KDM1A: variants seen among roughly 807,000 people sequenced by gnomAD.
The protein encoded by KDM1A is lysine demethylase 1A.
KDM1A carries 49 observed loss-of-function variants against 109.4 expected under a neutral mutation model. That is an observed-to-expected ratio of 0.45 (90% CI 0.36 to 0.57). The LOEUF (loss-of-function observed/expected upper bound fraction) is 0.57, where lower values mean the gene tolerates loss of function less well. Among genes scored for constraint, KDM1A ranks in the 20% least tolerant of loss-of-function variants. The probability of loss-of-function intolerance (pLI) is 0.00; values close to 1 mark genes in which losing one functional copy is unlikely to be tolerated. For synonymous variants in KDM1A, 380 were observed against 415.4 expected (o/e 0.91, Z 1.04); for missense variants, 668 against 1,116.6 (o/e 0.60, Z 5.73).
chr1:23,043,408 T>C (rs1403847582), intron 2 of KDM1A, among the ~76,000 whole-genome samples: 2 of 152,234 alleles, frequency 1.3e-5, no homozygotes, highest in African/African-American at 4.8e-5. Context: ...CTAAGTATCT[T>C]TTTATTCTCT....
intron 2 of KDM1A, among the ~76,000 whole-genome samples, chr1:23,033,449 G>C (rs1289228837): frequency 3.3e-5 from 5 of 152,006 alleles, no homozygotes; most frequent in Admixed American, 3.3e-4. Context: ...TTGAACCCGG[G>C]AGGCAGAGGT....
At chr1:23,043,728 G>C (rs919921986) in intron 2 of KDM1A, among the ~76,000 whole-genome samples, 1 of 152,156 alleles carries the variant, frequency 6.6e-6, no homozygotes, top group African/African-American at 2.4e-5. Flanking sequence ...TAATCAGTGA[G>C]GAAAATTTCT....
chr1:23,056,956 A>G (rs1033861541), intron 7 of KDM1A, among the ~76,000 whole-genome samples: 16 of 152,064 alleles, frequency 1.1e-4, no homozygotes, highest in African/African-American at 2.9e-4. Context: ...TGAACAGGCT[A>G]TGTTCAGTAT....
At chr1:23,061,660 C>CTTT (rs61084870) in intron 9 of KDM1A, among the ~76,000 whole-genome samples, 18 of 123,256 alleles carry the variant, frequency 1.5e-4, no homozygotes, top group African/African-American at 5.1e-4. Context: ...ATAAACTAGC[C>CTTT]TTTTTTTTTT....
chr1:23,049,433 ATG>A (rs1642597698), intron 3 of KDM1A, among the ~76,000 whole-genome samples: 1 of 148,298 alleles, frequency 6.7e-6, no homozygotes, highest in African/African-American at 2.6e-5. Flanking sequence ...TGAAAATAAC[ATG>A]TTTTTTGGGA....
intron 9 of KDM1A, among the ~76,000 whole-genome samples, chr1:23,061,413 A>G (rs577974030): frequency 1.3e-5 from 2 of 152,238 alleles, no homozygotes; most frequent in Non-Finnish European, 2.9e-5. Flanking sequence ...TCCCAACGAA[A>G]TTGGTAGTTG....
intron 2 of KDM1A, among the ~76,000 whole-genome samples, chr1:23,032,056 C>T (rs1446827442): frequency 1.3e-5 from 2 of 152,148 alleles, no homozygotes; most frequent in Admixed American, 1.3e-4. Context: ...TCACCCTGTG[C>T]TCTTTTCTTC....
rs1643562916 is a variant in KDM1A at position 23,079,660 on chromosome 1, C to T, written c.2163C>T (p.Leu721=). The change falls in exon 18 of 21, where the codon CTC becomes CTT. Residue 721 remains leucine (L), a synonymous_variant. Transcript: ENST00000400181. The surrounding 1 kb of genome is among the most constrained non-coding windows in gnomAD (Gnocchi z 5.6). ...GTGAGCTCTTCCTCTTCTGGAACCT[C>T]TATAAAGGTAAATGCCTTCTAATTT... is the stretch of plus-strand genomic sequence containing the variant. The part of the protein sequence containing the change: ...SRGELFLFWN[L]YKAPILLALV... 1 of 1,597,818 alleles carries T rather than the reference C, an allele frequency of 6.3e-7. No homozygotes were observed. Among genetic ancestry groups the T allele is most frequent in the South Asian group, 1.1e-5 (1 of 89,634 alleles).
chr1:23,057,074 A>G (rs1642852730), intron 7 of KDM1A, among the ~76,000 whole-genome samples: 1 of 152,148 alleles, frequency 6.6e-6, no homozygotes, highest in African/African-American at 2.4e-5. Context: ...TAAGAGTCAG[A>G]TTACAGTGGT....
chr1:23,082,119 C>T, intron 19 of KDM1A, 101 bp from the exon 20 acceptor site: 2 of 1,283,924 alleles, frequency 1.6e-6, no homozygotes, highest in East Asian at 2.3e-5. Context: ...GCCCCTCTTT[C>T]TCTTCACTTG....
rs573948225 is a variant in KDM1A at position 23,072,655 on chromosome 1, C to A, written c.1622+458C>A. ...TATTCAAGAATGCTACCCACCCTTTCTTTTTTTGAGATGGGATCTCGCTCT... is the reference window on the plus strand; with the variant it reads ...TATTCAAGAATGCTACCCACCCTTTATTTTTTTGAGATGGGATCTCGCTCT... On this transcript the variant is annotated intron_variant, in intron 14 of 20. Coordinates refer to ENST00000400181, the MANE Select transcript of KDM1A (RefSeq NM_001009999.3). Among the ~76,000 whole-genome samples the A allele has an allele frequency of 2.4e-3, 365 of 152,154 alleles. 1 individual carries two copies. The highest frequency in any genetic ancestry group is 4.1e-3 in the Non-Finnish European group (282 of 67,960).
intron 2 of KDM1A, among the ~76,000 whole-genome samples, chr1:23,037,522 C>CATT (rs1642185195): frequency 6.6e-6 from 1 of 152,092 alleles, no homozygotes; most frequent in Admixed American, 6.5e-5. Flanking sequence ...GATAAACATG[C>CATT]ATTACCTCAC....
rs558955892 is a variant in KDM1A, at chr1:23,040,766, C to T, written c.518-3661C>T. Among the ~76,000 whole-genome samples the T allele has an allele frequency of 2.7e-3, 410 of 152,022 alleles. 1 individual carries two copies. Among genetic ancestry groups the T allele is most frequent in the African/African-American group, 9.3e-3 (385 of 41,428 alleles). ...TTGCACCACTGTACTCCACCCTGGG[C>T]GACAGAGCAAGACCTTGTCTCTAAA... is the stretch of plus-strand genomic sequence containing the variant. On this transcript the variant is annotated intron_variant, in intron 2 of 20. Coordinates refer to ENST00000400181, the MANE Select transcript of KDM1A (RefSeq NM_001009999.3).
intron 2 of KDM1A, 27 bp downstream of exon 2, chr1:23,030,661 C>T (rs200461127): frequency 1.5e-4 from 228 of 1,489,776 alleles, no homozygotes; most frequent in Admixed American, 1.0e-3. Flanking sequence ...AACCACAGTT[C>T]TGTTTTATCT....
At position 23,066,054 on chromosome 1, in the gene KDM1A, T is replaced by A; in HGVS notation, c.1168-6T>A. The A allele has an allele frequency of 6.2e-7, 1 of 1,606,812 alleles. No homozygotes were observed. The highest frequency in any genetic ancestry group is 1.1e-5 in the South Asian group (1 of 90,780). On this transcript the variant is annotated splice_polypyrimidine_tract_variant and splice_region_variant and intron_variant, in intron 9 of 20. Coordinates refer to ENST00000400181, the MANE Select transcript of KDM1A (RefSeq NM_001009999.3). ...TTATTTCTCTCTCTGCTGCACTGGT[T>A]AAAAGGACACTGTCAAGGTATTTTT...
At chr1:23,056,876 A>G (rs1312628493) in intron 7 of KDM1A, among the ~76,000 whole-genome samples, 2 of 151,326 alleles carry the variant, frequency 1.3e-5, no homozygotes, top group African/African-American at 2.4e-5. Flanking sequence ...TATCGCTACA[A>G]CTCAGCCATA....
intron 2 of KDM1A, 150 bp from the exon 3 acceptor site, chr1:23,044,277 T>C (rs1312965458): frequency 3.0e-6 from 2 of 664,686 alleles, no homozygotes; most frequent in Non-Finnish European, 5.3e-6. Flanking sequence ...TGTAATTCCC[T>C]GGGCCTTGAT....
At chr1:23,041,435 CTTTTTTTTTT>C (rs66720696) in intron 2 of KDM1A, among the ~76,000 whole-genome samples, 2 of 53,006 alleles carry the variant, frequency 3.8e-5, no homozygotes, top group Admixed American at 6.8e-4. Flanking sequence ...TCTTTTCTTG[CTTTTTTTTTT>C]TTTTTTTTTT....
At chr1:23,053,108 A>G (rs1295085050) in intron 4 of KDM1A, among the ~76,000 whole-genome samples, 1 of 152,118 alleles carries the variant, frequency 6.6e-6, no homozygotes, top group Non-Finnish European at 1.5e-5. Flanking sequence ...CGACATATCT[A>G]GTTGATCATT....
Sources: gnomAD v4.1 joint callset for allele counts (sites outside exome capture counted in the v4.1 genomes callset) on GRCh38, gnomAD v4.1.1 for gene constraint, Gnocchi (gnomAD v3.1) non-coding constraint, MANE v1.5 for transcripts, NCBI Gene and HGNC (gene_info 2026-07-23, HGNC 2026-07-21) for gene names.